CHODL: variants seen among roughly 807,000 people sequenced by gnomAD.
CHODL encodes the protein chondrolectin, also known as transmembrane protein MT75.
Under a neutral mutation model 34.5 loss-of-function variants are expected in CHODL, and 29 were observed. The observed-to-expected ratio is 0.84, with a 90% CI of 0.63 to 1.15. The LOEUF is 1.15. CHODL is among the 50% of genes most tolerant of loss of function. CHODL has a pLI of 0.00. For missense variants in CHODL, 332 were observed against 332.5 expected (o/e 1.00, Z 0.01); for synonymous variants, 125 against 116.1 (o/e 1.08, Z -0.49).
chr21:17,952,950 C>G (rs1384445711), intron 1 of CHODL, among the ~76,000 whole-genome samples: 1 of 152,064 alleles, frequency 6.6e-6, no homozygotes, highest in African/African-American at 2.4e-5. Flanking sequence ...ACTTTTAAAC[C>G]ATCAGATCTT....
chr21:17,949,672 G>A (rs138275768), intron 1 of CHODL, among the ~76,000 whole-genome samples: 1 of 152,274 alleles, frequency 6.6e-6, no homozygotes, highest in Non-Finnish European at 1.5e-5. Context: ...GCAGGAAATT[G>A]TAAAAGTAAA....
Position 18,178,322 on chromosome 21 carries a change from G to C in CHODL, c.-44-78187G>C, listed in dbSNP as rs142264629. Among the ~76,000 whole-genome samples the C allele has an allele frequency of 7.9e-5, 12 of 152,232 alleles. No homozygotes were observed. In the East Asian group the frequency reaches 1.9e-3, roughly 25 times the overall value. ...AGGTACTATTTTCTGCTTTGCAGTA[G>C]TTTGCTTTATCTTTTTCCTTTCCAT... is the stretch of plus-strand genomic sequence containing the variant. On this transcript the variant is annotated intron_variant, in intron 2 of 6. Transcript: ENST00000400127.
chr21:18,261,011 A>G (rs970425466), intron 4 of CHODL, among the ~76,000 whole-genome samples: 6 of 152,266 alleles, frequency 3.9e-5, no homozygotes, highest in Non-Finnish European at 8.8e-5. Flanking sequence ...GCTTGAAGTC[A>G]AACAGGAGTG....
At chr21:18,028,922 A>G (rs1041617072) in intron 2 of CHODL, among the ~76,000 whole-genome samples, 9 of 152,158 alleles carry the variant, frequency 5.9e-5, no homozygotes, top group African/African-American at 2.2e-4. Context: ...AATGATAAAA[A>G]TGAAAGTAGA....
intron 2 of CHODL, among the ~76,000 whole-genome samples, chr21:18,157,929 G>GA (rs1355134472): frequency 6.6e-6 from 1 of 150,708 alleles, no homozygotes; most frequent in Non-Finnish European, 1.5e-5. Context: ...ATAAAAAACT[G>GA]AAAATAAATC....
At chr21:18,062,342 G>A (rs1386339260) in intron 2 of CHODL, among the ~76,000 whole-genome samples, 5 of 151,876 alleles carry the variant, frequency 3.3e-5, no homozygotes, top group African/African-American at 4.8e-5. Flanking sequence ...CTGAGTACCC[G>A]AGATTACAGG....
chr21:18,265,204 C>T (rs538309990), intron 5 of CHODL, among the ~76,000 whole-genome samples: 2,753 of 143,856 alleles, frequency 0.019, 97 homozygotes, highest in African/African-American at 0.074. Context: ...CACACACACA[C>T]ACATATATGT....
chr21:18,260,458 T>A (rs1169591347), intron 4 of CHODL, among the ~76,000 whole-genome samples, 172 bp downstream of exon 4: 1 of 152,182 alleles, frequency 6.6e-6, no homozygotes, highest in Non-Finnish European at 1.5e-5. Flanking sequence ...AAGCTAGTAT[T>A]TGAATAGAAA....
At chr21:18,106,441 A>G (rs1241720198) in intron 2 of CHODL, among the ~76,000 whole-genome samples, 1 of 151,642 alleles carries the variant, frequency 6.6e-6, no homozygotes, top group Non-Finnish European at 1.5e-5. Context: ...AGCAATATAC[A>G]TACTTTTGAA....
At chr21:18,204,648 T>C (rs2073692753) in intron 2 of CHODL, among the ~76,000 whole-genome samples, 1 of 152,202 alleles carries the variant, frequency 6.6e-6, no homozygotes, top group Non-Finnish European at 1.5e-5. Context: ...TGGCATATTT[T>C]TGATATGAAA....
chr21:17,937,796 T>C (rs2063329848), intron 1 of CHODL, among the ~76,000 whole-genome samples: 3 of 152,218 alleles, frequency 2.0e-5, no homozygotes, highest in Admixed American at 2.0e-4. Flanking sequence ...CTATAGTTTT[T>C]AATAAAATTT....
chr21:18,018,618 C>G (rs1036448328), intron 1 of CHODL, among the ~76,000 whole-genome samples: 1 of 152,178 alleles, frequency 6.6e-6, no homozygotes, highest in African/African-American at 2.4e-5. Flanking sequence ...GTTTCCTGCA[C>G]AGCCTGCAGA....
intron 1 of CHODL, among the ~76,000 whole-genome samples, chr21:18,247,295 G>A (rs996415666): frequency 6.6e-6 from 1 of 151,992 alleles, no homozygotes; most frequent in African/African-American, 2.4e-5. Flanking sequence ...CCTCTTTGGG[G>A]CTGTTATTAG....
intron 2 of CHODL, among the ~76,000 whole-genome samples, chr21:18,146,003 C>G (rs2072882189): frequency 6.6e-6 from 1 of 152,068 alleles, no homozygotes; most frequent in Non-Finnish European, 1.5e-5. Flanking sequence ...GAGTCTCACT[C>G]TGTCACCCAG....
At chr21:18,045,371 G>A (rs1354969665) in intron 2 of CHODL, among the ~76,000 whole-genome samples, 1 of 151,916 alleles carries the variant, frequency 6.6e-6, no homozygotes, top group African/African-American at 2.4e-5. Flanking sequence ...TTAACCAGGT[G>A]AGCCCTAAAT....
chr21:18,141,487 A>G (rs2072802260), intron 2 of CHODL, among the ~76,000 whole-genome samples: 1 of 152,048 alleles, frequency 6.6e-6, no homozygotes, highest in African/African-American at 2.4e-5. Context: ...ACATAGTATT[A>G]TCATTAGAAA....
intron 1 of CHODL, among the ~76,000 whole-genome samples, chr21:17,996,670 G>C (rs113043991): frequency 3.3e-4 from 51 of 152,332 alleles, no homozygotes; most frequent in African/African-American, 1.2e-3. Flanking sequence ...AGGTAGTAGA[G>C]GGGCTAAGTG....
chr21:17,993,077 A>G (rs1205185775), intron 1 of CHODL, among the ~76,000 whole-genome samples: 3 of 152,146 alleles, frequency 2.0e-5, no homozygotes, highest in African/African-American at 7.2e-5. Context: ...TTCTAGTACC[A>G]TGTTGAATAA....
chr21:18,059,104 G>C (rs1228047017), intron 2 of CHODL, among the ~76,000 whole-genome samples: 2 of 152,128 alleles, frequency 1.3e-5, no homozygotes, highest in Non-Finnish European at 2.9e-5. Flanking sequence ...GGTTAAATGA[G>C]GTTTTAAGAG....
Sources: gnomAD v4.1 joint callset for allele counts (sites outside exome capture counted in the v4.1 genomes callset) on GRCh38, gnomAD v4.1.1 for gene constraint, MANE v1.5 for transcripts, NCBI Gene and HGNC (gene_info 2026-07-23, HGNC 2026-07-21) for gene names.